The following AUTS2 variants were observed in gnomAD, a reference collection of about 807,000 sequenced individuals.
The protein encoded by AUTS2 is activator of transcription and developmental regulator AUTS2, also known as autism susceptibility gene 2 protein.
AUTS2 carries 17 observed loss-of-function variants against 112.4 expected under a neutral mutation model. The observed-to-expected ratio is 0.15, with a 90% confidence interval of 0.10 to 0.23. The LOEUF is 0.23. Ranked by LOEUF, AUTS2 falls within the 10% of genes least tolerant of loss-of-function variation. AUTS2 has a pLI of 1.00. For missense variants in AUTS2, 1,510 were observed against 1,701.6 expected (o/e 0.89, Z 1.98); for synonymous variants, 751 against 702.7 (o/e 1.07, Z -1.09).
At chr7:70,670,009 A>T (rs1206576502) in intron 5 of AUTS2, among the ~76,000 whole-genome samples, 1 of 152,202 alleles carries the variant, frequency 6.6e-6, no homozygotes, top group Non-Finnish European at 1.5e-5. Context: ...TTACTCTTCA[A>T]CAAAACAGAG....
intron 6 of AUTS2, among the ~76,000 whole-genome samples, chr7:70,732,470 C>T (rs889389429): frequency 2.0e-5 from 3 of 152,182 alleles, no homozygotes; most frequent in African/African-American, 7.2e-5. Context: ...GACCTGCAGA[C>T]ATCACAGGGC....
chr7:70,634,686 C>A (rs1218839893), intron 5 of AUTS2, among the ~76,000 whole-genome samples: 1 of 152,178 alleles, frequency 6.6e-6, no homozygotes. Context: ...TGCATATGGA[C>A]CCACATCCTC....
At chr7:69,727,267 A>G (rs1164995470) in intron 1 of AUTS2, among the ~76,000 whole-genome samples, 1 of 152,088 alleles carries the variant, frequency 6.6e-6, no homozygotes, top group Non-Finnish European at 1.5e-5. Flanking sequence ...TACTTTCTCC[A>G]TTGAATGTCC....
intron 5 of AUTS2, among the ~76,000 whole-genome samples, chr7:70,581,412 G>T (rs1802437510): frequency 6.6e-6 from 1 of 152,050 alleles, no homozygotes; most frequent in South Asian, 2.1e-4. Flanking sequence ...AAATAAATTA[G>T]CCGGGTGCGA....
intron 4 of AUTS2, among the ~76,000 whole-genome samples, chr7:70,163,304 A>G (rs1390522232): frequency 1.6e-5 from 2 of 122,728 alleles, no homozygotes; most frequent in Admixed American, 1.1e-4. Flanking sequence ...AACTGATGCT[A>G]GGCACATTCA....
At chr7:70,166,124 G>A (rs1808368312) in intron 4 of AUTS2, among the ~76,000 whole-genome samples, 1 of 152,174 alleles carries the variant, frequency 6.6e-6, no homozygotes, top group African/African-American at 2.4e-5. Context: ...TGTTAAGGCT[G>A]TGGAACCATG....
intron 5 of AUTS2, among the ~76,000 whole-genome samples, chr7:70,623,361 T>C (rs904695827): frequency 2.0e-5 from 3 of 152,222 alleles, no homozygotes; most frequent in Non-Finnish European, 4.4e-5. Flanking sequence ...ATGTCTTTTA[T>C]GAAACTTTGC....
At chr7:70,448,915 C>T (rs1260929309) in intron 5 of AUTS2, among the ~76,000 whole-genome samples, 1 of 152,220 alleles carries the variant, frequency 6.6e-6, no homozygotes, top group Admixed American at 6.5e-5. Context: ...GCTTACAGTG[C>T]AACTCCACCC....
chr7:70,144,082 G>T (rs1407539191), intron 4 of AUTS2, among the ~76,000 whole-genome samples: 1 of 151,914 alleles, frequency 6.6e-6, no homozygotes, highest in Non-Finnish European at 1.5e-5. Flanking sequence ...AGCCCGTGCT[G>T]TGCCATATTT....
At chr7:70,692,015 G>T (rs777145822) in intron 5 of AUTS2, among the ~76,000 whole-genome samples, 1 of 151,832 alleles carries the variant, frequency 6.6e-6, no homozygotes, top group African/African-American at 2.4e-5. Context: ...CAAGTAGCTG[G>T]GGTTACAGGT....
chr7:69,763,678 T>C (rs1396330212), intron 1 of AUTS2, among the ~76,000 whole-genome samples: 2 of 152,218 alleles, frequency 1.3e-5, no homozygotes, highest in African/African-American at 4.8e-5. Flanking sequence ...TCTGCATCTG[T>C]AAAGTGAAGA....
chr7:70,303,953 T>A (rs533977152), intron 4 of AUTS2, among the ~76,000 whole-genome samples: 2 of 152,330 alleles, frequency 1.3e-5, no homozygotes, highest in Non-Finnish European at 2.9e-5. Context: ...GACTGGGCCC[T>A]GTTTCACATC....
intron 4 of AUTS2, among the ~76,000 whole-genome samples, chr7:70,139,210 A>C (rs1393349785): frequency 6.6e-6 from 1 of 152,070 alleles, no homozygotes; most frequent in East Asian, 1.9e-4. Flanking sequence ...CAAGCTATCT[A>C]CCCACCTTGG....
At chr7:69,823,226 G>C (rs551290061) in intron 1 of AUTS2, among the ~76,000 whole-genome samples, 1 of 152,208 alleles carries the variant, frequency 6.6e-6, no homozygotes, top group Non-Finnish European at 1.5e-5. Context: ...ATGTGCTGCT[G>C]TATCTGCCTT....
At chr7:70,464,775 A>G (rs936287068) in intron 5 of AUTS2, among the ~76,000 whole-genome samples, 1 of 152,180 alleles carries the variant, frequency 6.6e-6, no homozygotes, top group African/African-American at 2.4e-5. Context: ...GGTGAGGTTG[A>G]GGTAGGTCTA....
intron 5 of AUTS2, among the ~76,000 whole-genome samples, chr7:70,682,970 G>A (rs574633804): frequency 2.0e-5 from 3 of 152,230 alleles, no homozygotes; most frequent in African/African-American, 7.2e-5. Context: ...ACCAGAAGCT[G>A]CTGGGCCCAA....
intron 4 of AUTS2, among the ~76,000 whole-genome samples, chr7:70,340,470 T>A (rs1212313539): frequency 6.6e-6 from 1 of 152,106 alleles, no homozygotes; most frequent in Admixed American, 6.6e-5. Context: ...AGCAGCAGAA[T>A]AACCCCAAAA....
At chr7:69,795,434 C>T (rs916807350) in intron 1 of AUTS2, among the ~76,000 whole-genome samples, 4 of 152,150 alleles carry the variant, frequency 2.6e-5, no homozygotes, top group Non-Finnish European at 5.9e-5. Flanking sequence ...AATCCAAACA[C>T]TTTGGGACAT....
intron 1 of AUTS2, among the ~76,000 whole-genome samples, chr7:69,867,662 T>G (rs1486388052): frequency 6.6e-6 from 1 of 152,184 alleles, no homozygotes; most frequent in Non-Finnish European, 1.5e-5. Context: ...TACTAAAACC[T>G]CACTTGTTTT....
Sources: allele counts gnomAD v4.1 joint callset (sites outside exome capture counted in the v4.1 genomes callset), GRCh38; gene constraint gnomAD v4.1.1; transcripts MANE v1.5; gene names NCBI Gene and HGNC (gene_info 2026-07-23, HGNC 2026-07-21).